Variants in ADGRV1 observed in about 807,000 individuals in gnomAD.
The protein encoded by ADGRV1 is adhesion G protein-coupled receptor V1.
A neutral mutation model predicts 596.2 loss-of-function variants in ADGRV1; 359 were observed. The ratio of observed to expected loss-of-function variants is 0.60; its 90% CI spans 0.55 to 0.66. The LOEUF (loss-of-function observed/expected upper bound fraction) is 0.66. Among genes scored for constraint, ADGRV1 ranks in the 30% least tolerant of loss-of-function variants. The pLI is 0.00. For synonymous variants in ADGRV1, 2,681 were observed against 2,679.2 expected (o/e 1.00, Z -0.02); for missense variants, 7,274 against 7,575.6 (o/e 0.96, Z 1.48).
In ADGRV1 at chr5:90,570,358, CTT is replaced by C. The variant is rs1051048899; in HGVS notation, c.22+11443_22+11444del. Reference sequence around the variant, plus strand: ...CTTCCTTCCTCTTTCGTGATTCTCTCTTTGTCTTTTGCTTTGGCAGTTTCGTA... The same window carrying C: ...CTTCCTTCCTCTTTCGTGATTCTCTCTGTCTTTTGCTTTGGCAGTTTCGTA... On this transcript the variant is annotated intron_variant, in intron 1 of 89. Transcript: ENST00000405460. 2.6e-5 allele frequency among the ~76,000 whole-genome samples: 4 copies of C among 152,198 alleles called. No homozygotes were observed. The East Asian group carries it at 5.8e-4, about 22-fold the overall frequency.
intron 85 of ADGRV1, among the ~76,000 whole-genome samples, chr5:90,996,677 T>A (rs1028087914): frequency 2.0e-5 from 3 of 152,164 alleles, no homozygotes; most frequent in Non-Finnish European, 4.4e-5. Flanking sequence ...GTAGATCCAC[T>A]GACAGTTTGC....
intron 73 of ADGRV1, among the ~76,000 whole-genome samples, chr5:90,808,994 C>T (rs553183035): frequency 5.4e-4 from 82 of 150,960 alleles, no homozygotes; most frequent in Non-Finnish European, 9.7e-4. Flanking sequence ...TCGCCCAGGC[C>T]GGACTGTAGT....
At chr5:90,783,775 T>C in intron 66 of ADGRV1, 63 bp from the exon 67 acceptor site, 1 of 1,259,650 alleles carries the variant, frequency 7.9e-7, no homozygotes, top group Non-Finnish European at 1.1e-6. Flanking sequence ...TGACTGGTTA[T>C]TGGGATTTTA....
At chr5:90,664,964 C>G (rs1014292084) in intron 21 of ADGRV1, among the ~76,000 whole-genome samples, 4 of 151,908 alleles carry the variant, frequency 2.6e-5, no homozygotes, top group African/African-American at 9.7e-5. Context: ...GGATGAAGCC[C>G]ACTTGATCAT....
chr5:90,824,742 C>G (rs1763928073), intron 76 of ADGRV1, among the ~76,000 whole-genome samples: 1 of 152,164 alleles, frequency 6.6e-6, no homozygotes. Flanking sequence ...TTACCATAGA[C>G]TAATTGATGT....
chr5:90,799,300 C>A (rs376775227), intron 70 of ADGRV1, among the ~76,000 whole-genome samples: 1 of 152,094 alleles, frequency 6.6e-6, no homozygotes, highest in Admixed American at 6.5e-5. Flanking sequence ...AACAGAGAGC[C>A]AGATCACGAG....
intron 85 of ADGRV1, among the ~76,000 whole-genome samples, chr5:91,002,999 ACTC>A (rs1400780000): frequency 1.3e-5 from 2 of 151,800 alleles, no homozygotes; most frequent in Admixed American, 6.6e-5. Flanking sequence ...AGTAGACTCT[ACTC>A]CTGAGGTTTT....
chr5:90,590,379 A>T (rs776485472), intron 1 of ADGRV1, among the ~76,000 whole-genome samples: 2 of 152,108 alleles, frequency 1.3e-5, no homozygotes, highest in South Asian at 2.1e-4. Flanking sequence ...CTGAGTTGTG[A>T]TGTCATATCT....
chr5:91,148,322 C>T (rs891297764), intron 87 of ADGRV1, among the ~76,000 whole-genome samples: 12 of 152,264 alleles, frequency 7.9e-5, no homozygotes, highest in South Asian at 2.1e-4. Context: ...ATCACAGGCC[C>T]GGAGGCCTAT....
chr5:90,797,287 C>CAAAAAA (rs780696194), intron 70 of ADGRV1, among the ~76,000 whole-genome samples: 63 of 26,350 alleles, frequency 2.4e-3, no homozygotes, highest in East Asian at 5.4e-3. Context: ...AAATGAAAAG[C>CAAAAAA]AAAAAAAAAA....
chr5:91,074,670 A>C (rs919802133), intron 86 of ADGRV1, among the ~76,000 whole-genome samples: 2 of 152,210 alleles, frequency 1.3e-5, no homozygotes, highest in Admixed American at 6.5e-5. Context: ...AACAATTTCT[A>C]TTCCTTTGGG....
chr5:91,024,396 C>T (rs1783864866), intron 85 of ADGRV1, among the ~76,000 whole-genome samples: 1 of 152,168 alleles, frequency 6.6e-6, no homozygotes, highest in South Asian at 2.1e-4. Context: ...GCTCTATTAA[C>T]TACTGTCTTT....
At chr5:90,837,161 T>C (rs1350203912) in intron 77 of ADGRV1, among the ~76,000 whole-genome samples, 1 of 152,214 alleles carries the variant, frequency 6.6e-6, no homozygotes, top group Non-Finnish European at 1.5e-5. Context: ...TGGTCCTTCC[T>C]ATTTGAGACA....
At chr5:91,129,176 T>C (rs922100355) in intron 87 of ADGRV1, among the ~76,000 whole-genome samples, 4 of 152,224 alleles carry the variant, frequency 2.6e-5, no homozygotes, top group African/African-American at 9.6e-5. Context: ...ATGGTTAACA[T>C]TTACTAGAGG....
intron 83 of ADGRV1, among the ~76,000 whole-genome samples, chr5:90,899,732 G>C (rs150822336): frequency 2.0e-5 from 3 of 147,328 alleles, no homozygotes; most frequent in Middle Eastern, 3.5e-3. Context: ...GTTTTCTCTA[G>C]GCCTTGCTTA....
At chr5:90,919,898 G>A (rs757755281) in intron 83 of ADGRV1, among the ~76,000 whole-genome samples, 3 of 151,150 alleles carry the variant, frequency 2.0e-5, no homozygotes, top group Non-Finnish European at 4.4e-5. Context: ...GGAGGCTGAG[G>A]CAGGAGAATC....
chr5:90,730,421 A>G (rs746710220), intron 50 of ADGRV1, among the ~76,000 whole-genome samples: 33 of 152,328 alleles, frequency 2.2e-4, no homozygotes, highest in African/African-American at 7.7e-4. Context: ...GAAAGTATGT[A>G]TATGGCAATA....
chr5:90,735,162 C>T (rs1164045338), intron 50 of ADGRV1, among the ~76,000 whole-genome samples: 2 of 152,122 alleles, frequency 1.3e-5, no homozygotes, highest in African/African-American at 4.8e-5. Flanking sequence ...AACTTAAGGT[C>T]TTTAATTTAT....
At chr5:90,967,548 T>C (rs1356969685) in intron 84 of ADGRV1, among the ~76,000 whole-genome samples, 1 of 152,194 alleles carries the variant, frequency 6.6e-6, no homozygotes, top group Non-Finnish European at 1.5e-5. Context: ...TCTGCCTGTA[T>C]TGAGGTCCCC....
Sources: allele counts gnomAD v4.1 joint callset (sites outside exome capture counted in the v4.1 genomes callset), GRCh38; gene constraint gnomAD v4.1.1; transcripts MANE v1.5; gene names NCBI Gene and HGNC (gene_info 2026-07-23, HGNC 2026-07-21).